The following KRT24 variants were observed in gnomAD, a reference collection of about 807,000 sequenced individuals.
The protein encoded by KRT24 is keratin 24, also known as keratin, type I cytoskeletal 24.
A neutral mutation model predicts 51.7 loss-of-function variants in KRT24; 44 were observed. The observed-to-expected ratio is 0.85, with a 90% CI of 0.67 to 1.09. The LOEUF is 1.09. KRT24 is among the 50% of genes least tolerant of loss of function. KRT24 has a pLI of 0.00. For missense variants in KRT24, 633 were observed against 647.0 expected (o/e 0.98, Z 0.24); for synonymous variants, 241 against 249.5 (o/e 0.97, Z 0.32).
intron 6 of KRT24, 35 bp downstream of exon 6, chr17:40,699,409 G>A (rs1597774687): frequency 6.6e-7 from 1 of 1,523,582 alleles, no homozygotes; most frequent in South Asian, 1.1e-5. Flanking sequence ...ATTCACTAAG[G>A]TATGCATTTT....
chr17:40,702,375 A>G (rs1363435783), intron 1 of KRT24, among the ~76,000 whole-genome samples: 1 of 152,150 alleles, frequency 6.6e-6, no homozygotes. Flanking sequence ...CTTGCTTTGC[A>G]AACTTACTTA....
intron 2 of KRT24, 71 bp downstream of exon 2, chr17:40,701,780 T>G: frequency 6.7e-6 from 1 of 148,350 alleles, no homozygotes; most frequent in Non-Finnish European, 1.4e-5. Flanking sequence ...TATATATATA[T>G]TTATTTATAA....
At chr17:40,701,048 C>T in intron 3 of KRT24, 92 bp downstream of exon 3, 1 of 1,312,016 alleles carries the variant, frequency 7.6e-7, no homozygotes, top group South Asian at 1.4e-5. Flanking sequence ...AAGGCATGAG[C>T]CACTGCACCC....
In KRT24 at chr17:40,699,436, T is replaced by G. The variant is rs775509564; in HGVS notation, c.1361+8A>C. On this transcript the variant is annotated splice_region_variant and intron_variant, in intron 6 of 7. Transcript: ENST00000264651. ...ATGCATTTTAGTTTGTTCATGACTT[T>G]GGTTTACCCTCCCTCTCCATCGAGC... The G allele has an allele frequency of 2.5e-6, 4 of 1,612,152 alleles. No homozygotes were observed. The highest frequency in any genetic ancestry group is 3.4e-6 in the Non-Finnish European group (4 of 1,178,152).
chr17:40,698,715 G>C, intron 6 of KRT24, 65 bp from the exon 7 acceptor site: 6 of 804,318 alleles, frequency 7.5e-6, no homozygotes, highest in African/African-American at 1.7e-5. Context: ...CCTCCGCCCC[G>C]GGGATTCTTC....
In KRT24 at chr17:40,699,390, A is replaced by G. The variant is rs2037646556; in HGVS notation, c.1361+54T>C. ...AAGCCCTGAGTCCCATTTTGGTTTT[A>G]TAAAATAAATTCACTAAGGTATGCA... On this transcript the variant is annotated intron_variant, in intron 6 of 7. Transcript: ENST00000264651. The G allele has an allele frequency of 5.4e-6, 8 of 1,483,938 alleles. No individual in the cohort carries two copies. The African/African-American group carries it at 5.5e-5, about 10-fold the overall frequency. 91.9% of individuals were successfully genotyped at this position (1,483,938 alleles called of 1,614,324 possible). A position where few individuals can be genotyped will look rare whatever the true frequency, so the allele number is the denominator to read the frequency against.
chr17:40,702,331 G>T (rs1313553269), intron 1 of KRT24, among the ~76,000 whole-genome samples: 1 of 152,050 alleles, frequency 6.6e-6, no homozygotes, highest in East Asian at 1.9e-4. Context: ...GTGAGCCACC[G>T]TGCCCGGCCT....
intron 6 of KRT24, among the ~76,000 whole-genome samples, chr17:40,698,884 T>TC (rs1416143561): frequency 8.6e-5 from 13 of 151,256 alleles, no homozygotes; most frequent in African/African-American, 3.2e-4. Flanking sequence ...AATTTTTTTT[T>TC]TTTTTTTTTT....
intron 7 of KRT24, 79 bp downstream of exon 7, chr17:40,698,459 G>A (rs952652851): frequency 2.1e-5 from 23 of 1,098,012 alleles, no homozygotes; most frequent in African/African-American, 9.4e-5. Context: ...AAAAAATAGC[G>A]GACTCTTTTA....
At position 40,700,031 on chromosome 17, in the gene KRT24, G is replaced by A; in HGVS notation, c.1110C>T (p.Ala370=). The A allele has an allele frequency of 5.6e-6, 9 of 1,614,158 alleles. No homozygotes were observed. The highest frequency in any genetic ancestry group is 5.1e-6 in the Non-Finnish European group (6 of 1,180,020). ...GTTGGGACTGAAGCTCAATTTCCAG[G>A]GCTTGCAGGGTACGTTTTAGTTCTG... ...EITELKRTLQ[A]LEIELQSQLA... is the part of the protein sequence containing the mutation. The change falls in exon 5 of 8, where the codon GCC becomes GCT. Residue 370 remains alanine (A), a synonymous_variant. Transcript: ENST00000264651.
At position 40,701,928 on chromosome 17, in the gene KRT24, A is replaced by G; in HGVS notation, c.621T>C (p.Ile207=). 1 of 1,533,986 alleles carries G rather than the reference A, an allele frequency of 6.5e-7. No homozygotes were observed. The highest frequency in any genetic ancestry group is 8.9e-7 in the Non-Finnish European group (1 of 1,128,394). Residue 207 remains isoleucine, a synonymous_variant, in exon 2 of 8, where the codon ATT becomes ATC. Coordinates refer to ENST00000264651, the MANE Select transcript of KRT24 (RefSeq NM_019016.3). ...TCCCAGCATTTTCAACAGTGGCAGC[A>G]ATGATCTAAAAAAGATGTTAATAGT... The part of the protein sequence containing the change: ...SIIEDLRNQI[I]AATVENAGII...
intron 3 of KRT24, among the ~76,000 whole-genome samples, chr17:40,700,663 G>C (rs979499239): frequency 6.6e-6 from 1 of 151,340 alleles, no homozygotes; most frequent in Non-Finnish European, 1.5e-5. Flanking sequence ...GCTTGATCTC[G>C]GCTCACTGCA....
At chr17:40,698,908 G>T (rs544007540) in intron 6 of KRT24, among the ~76,000 whole-genome samples, 1 of 142,922 alleles carries the variant, frequency 7.0e-6, no homozygotes, top group Non-Finnish European at 1.5e-5. Context: ...ACAAGGTCTC[G>T]TTCTATCACC....
At chr17:40,699,017 C>T (rs1400982629) in intron 6 of KRT24, among the ~76,000 whole-genome samples, 2 of 152,022 alleles carry the variant, frequency 1.3e-5, no homozygotes, top group Non-Finnish European at 2.9e-5. Flanking sequence ...GCTGGGACTA[C>T]AGGTGTGTGC....
At chr17:40,700,147 G>C (rs2037658639) in intron 4 of KRT24, 24 bp from the exon 5 acceptor site, 1 of 1,614,152 alleles carries the variant, frequency 6.2e-7, no homozygotes, top group Non-Finnish European at 8.5e-7. Flanking sequence ...TAATGCAGCT[G>C]TTGTAGGCTG....
rs550871027 is a variant in KRT24, at chr17:40,701,317, G to A, written c.699-21C>T. 28 of 1,601,146 alleles carry A rather than the reference G, an allele frequency of 1.7e-5. No homozygotes were observed. The South Asian group carries it at 2.8e-4, about 16-fold the overall frequency. ...CATACCTGGAAGGGGCAGCAGTAAG[G>A]CAAAAAATACTGTGAGCTCACCTGG... On this transcript the variant is annotated intron_variant, in intron 2 of 7. Transcript: ENST00000264651.
Position 40,701,219 on chromosome 17 carries a change from G to A in KRT24, c.776C>T (p.Thr259Ile). 1.9e-6 allele frequency: 3 copies of A among 1,614,098 alleles called. No homozygotes were observed. The South Asian group carries it at 3.3e-5, about 18-fold the overall frequency. The part of the protein sequence containing the change: ...NGLRKVLDDL[T>I]MTRSDLEMQI... Reference sequence around the variant, plus strand: ...CATCTCCAGGTCAGAGCGGGTCATAGTCAGGTCATCCAGGACTTTCCGCAG... The same window carrying A: ...CATCTCCAGGTCAGAGCGGGTCATAATCAGGTCATCCAGGACTTTCCGCAG... Residue 259 changes from threonine (T) to isoleucine (I), a missense_variant, in exon 3 of 8, where the codon ACT becomes ATT. By Grantham distance (89) the Thr-to-Ile change is moderately conservative. Coordinates refer to ENST00000264651, the MANE Select transcript of KRT24 (RefSeq NM_019016.3).
Position 40,698,138 on chromosome 17 carries a change from AAT to A in KRT24, c.*97_*98del. Reference sequence around the variant, plus strand: ...ATTTCTGGACTGAAGCTTTTCCTGAAATTATCCAGAAAGATGCCTAGATTGAT... The same window carrying A: ...ATTTCTGGACTGAAGCTTTTCCTGAATATCCAGAAAGATGCCTAGATTGAT... On this transcript the variant is annotated 3_prime_UTR_variant, in exon 8 of 8. Transcript: ENST00000264651. 3.9e-6 allele frequency: 3 copies of A among 760,408 alleles called. No homozygotes were observed. Among genetic ancestry groups the A allele is most frequent in the Non-Finnish European group, 6.6e-6 (3 of 454,864 alleles). The allele number at this position is 760,408 out of a possible 1,614,324, so 47.1% of individuals were successfully genotyped here.
At chr17:40,698,887 T>C (rs914970207) in intron 6 of KRT24, among the ~76,000 whole-genome samples, 1 of 151,520 alleles carries the variant, frequency 6.6e-6, no homozygotes, top group African/African-American at 2.4e-5. Flanking sequence ...TTTTTTTTTT[T>C]TTTTTTTGAG....
Sources: allele counts gnomAD v4.1 joint callset (sites outside exome capture counted in the v4.1 genomes callset), GRCh38; gene constraint gnomAD v4.1.1; transcripts MANE v1.5; gene names NCBI Gene and HGNC (gene_info 2026-07-23, HGNC 2026-07-21).